RIF1: variants seen among roughly 807,000 people sequenced by gnomAD.
RIF1 encodes the protein replication timing regulatory factor 1.
Under a neutral mutation model 247.1 loss-of-function variants are expected in RIF1, and 45 were observed. The ratio of observed to expected loss-of-function variants is 0.18; its 90% CI spans 0.14 to 0.23. The LOEUF (loss-of-function observed/expected upper bound fraction) is 0.23. Among genes scored for constraint, RIF1 ranks in the 10% least tolerant of loss-of-function variants. The pLI, the probability that RIF1 is intolerant of heterozygous loss-of-function variation, is 1.00. For synonymous variants in RIF1, 1,087 were observed against 978.8 expected (o/e 1.11, Z -2.06); for missense variants, 2,967 against 2,862.5 (o/e 1.04, Z -0.83).
chr2:151,498,393 ATCAG>A (rs1241842579), intron 10 of RIF1: 3 of 1,422,770 alleles, frequency 2.1e-6, no homozygotes, highest in South Asian at 1.3e-5. Context: ...AAAGCAATCA[ATCAG>A]TCATTTTCCC....
In RIF1 at chr2:151,507,622, T is replaced by G. The variant is rs115263893; in HGVS notation, c.*1028-107T>G. ...CTTTGTCCAATCACACTTCCGCATC[T>G]CTATCCATAAAAATACACATATTTC... On this transcript the variant is annotated intron_variant and NMD_transcript_variant, in intron 13 of 13. Transcript: ENST00000454583. 1,143 of 215,078 alleles carry G rather than the reference T, an allele frequency of 5.3e-3. 17 individuals carry two copies. The highest frequency in any genetic ancestry group is 0.025 in the African/African-American group (1,090 of 43,624). 13.3% of individuals were successfully genotyped at this position (215,078 alleles called of 1,614,324 possible). A position where few individuals can be genotyped will look rare whatever the true frequency, so the allele number is the denominator to read the frequency against.
At chr2:151,458,236 T>G (rs1417107673) in intron 24 of RIF1, among the ~76,000 whole-genome samples, 2 of 144,470 alleles carry the variant, frequency 1.4e-5, no homozygotes, top group African/African-American at 5.1e-5. Context: ...ATTTTTTTTT[T>G]TTTTTTTTTT....
At chr2:151,524,653 G>GTTT in the RIF1 span, 8 of 515,194 alleles carry the variant, frequency 1.6e-5, no homozygotes, top group South Asian at 8.2e-5. Flanking sequence ...CAAGAGAGAG[G>GTTT]CTTTTTTTTT....
At chr2:151,484,558 T>G (rs2049387625), downstream of RIF1, among the ~76,000 whole-genome samples, 1 of 152,234 alleles carries the variant, frequency 6.6e-6, no homozygotes, top group Non-Finnish European at 1.5e-5. Context: ...ATTGGGCCAC[T>G]GCACTCCAGC....
chr2:151,419,819 T>TA (rs1687871190), intron 6 of RIF1, among the ~76,000 whole-genome samples: 1 of 152,186 alleles, frequency 6.6e-6, no homozygotes, highest in South Asian at 2.1e-4. Context: ...CTCATAATCT[T>TA]ATGGGACCAC....
At chr2:151,467,972 T>C (rs1326290338) in intron 30 of RIF1, 28 bp from the exon 31 acceptor site, 2 of 1,553,794 alleles carry the variant, frequency 1.3e-6, no homozygotes, top group African/African-American at 1.4e-5. Flanking sequence ...TTAATTTTGT[T>C]AAGTAAAATC....
chr2:151,520,836 C>T, the RIF1 span, among the ~76,000 whole-genome samples: 1 of 151,968 alleles, frequency 6.6e-6, no homozygotes, highest in South Asian at 2.1e-4. Context: ...TGCACTCCAT[C>T]GTGGGCAACA....
chr2:151,460,426 A>C (rs555372347), intron 26 of RIF1, among the ~76,000 whole-genome samples: 4 of 152,220 alleles, frequency 2.6e-5, no homozygotes, highest in Non-Finnish European at 4.4e-5. Context: ...CATAGGTAGC[A>C]CAAGAGAAAA....
intron 1 of RIF1, 104 bp downstream of exon 1, chr2:151,410,137 G>T (rs1685885940): frequency 3.0e-6 from 2 of 676,688 alleles, no homozygotes; most frequent in East Asian, 2.7e-5. Context: ...GGCTTCTCCC[G>T]CCCTCCGCCG....
chr2:151,436,822 T>G lies in RIF1; in HGVS notation c.1196-5T>G, dbSNP rs1691319207. 6.4e-7 allele frequency: 1 copy of G among 1,561,518 alleles called. No individual in the cohort carries two copies. The highest frequency in any genetic ancestry group is 2.1e-5 in the Admixed American group (1 of 47,882). On this transcript the variant is annotated splice_polypyrimidine_tract_variant and splice_region_variant and intron_variant, in intron 11 of 35. Transcript: ENST00000444746. Reference sequence around the variant, plus strand: ...GACTTAACTCTTTTTTTTTTTTTCTTAAAGGTGCTTCCTCCCCGTACGGAG... The same window carrying G: ...GACTTAACTCTTTTTTTTTTTTTCTGAAAGGTGCTTCCTCCCCGTACGGAG...
the RIF1 span, chr2:151,514,739 G>T: frequency 1.9e-6 from 2 of 1,032,648 alleles, no homozygotes; most frequent in Non-Finnish European, 2.8e-6. Flanking sequence ...GATGTAAATG[G>T]TAGGAGGAAC....
chr2:151,410,899 T>G, intron 2 of RIF1, among the ~76,000 whole-genome samples: 1 of 152,188 alleles, frequency 6.6e-6, no homozygotes, highest in Non-Finnish European at 1.5e-5. Context: ...TGATTTTTAT[T>G]AATTGCAAAA....
At chr2:151,423,205 C>G (rs1255383317) in intron 8 of RIF1, 163 bp downstream of exon 8, 1 of 559,740 alleles carries the variant, frequency 1.8e-6, no homozygotes, top group African/African-American at 2.0e-5. Context: ...GAAACCAGTA[C>G]TTGCATTGCT....
At chr2:151,488,660 A>G (rs554767843) in intron 9 of RIF1, among the ~76,000 whole-genome samples, 24 of 152,200 alleles carry the variant, frequency 1.6e-4, no homozygotes, top group Admixed American at 5.2e-4. Flanking sequence ...AATAAAAAAA[A>G]AGTATTCTGT....
At chr2:151,433,399 A>T (rs1690532485) in intron 10 of RIF1, among the ~76,000 whole-genome samples, 171 bp downstream of exon 10, 1 of 152,186 alleles carries the variant, frequency 6.6e-6, no homozygotes. Flanking sequence ...CACAAGGGAT[A>T]TTGTTCAGTT....
chr2:151,503,332 G>C (rs868820101), intron 12 of RIF1: 1 of 1,547,192 alleles, frequency 6.5e-7, no homozygotes, highest in Middle Eastern at 1.9e-4. Context: ...TTTCTTATAT[G>C]ATATATTTGT....
rs1224957523 is a variant in RIF1 at position 151,465,260 on chromosome 2, G to A, written c.5740G>A (p.Ala1914Thr). The change falls in exon 30 of 36, where the codon GCA becomes ACA. Residue 1914 changes from alanine to threonine, a missense_variant. By Grantham distance (58) the Ala-to-Thr change is moderately conservative. This residue lies in a region of RIF1 where 2,028 missense variants were observed against 1,825.6 expected (regional missense o/e 1.11). Coordinates refer to ENST00000444746, the MANE Select transcript of RIF1 (RefSeq NM_018151.5). ...AGTAACAGAATCCAATCTAGAGAAA[G>A]CAAAAACTATGGAATTGAATGTAGG... ...CKVTESNLEK[A>T]KTMELNVGNE... 2 of 1,610,870 alleles carry A rather than the reference G, an allele frequency of 1.2e-6. No individual in the cohort carries two copies. The highest frequency in any genetic ancestry group is 1.7e-5 in the Admixed American group (1 of 59,208).
At chr2:151,514,360 A>G in the RIF1 span, 6 of 1,613,684 alleles carry the variant, frequency 3.7e-6, no homozygotes, top group East Asian at 1.3e-4. Context: ...TTAGCATGTC[A>G]GGTGTATCTT....
intron 13 of RIF1, 57 bp downstream of exon 13, chr2:151,437,408 A>C: frequency 7.3e-7 from 1 of 1,373,280 alleles, no homozygotes; most frequent in Non-Finnish European, 1.0e-6. Flanking sequence ...AAGAAAAAAT[A>C]GGCCAGTCAC....
Sources: gnomAD v4.1 joint callset for allele counts (sites outside exome capture counted in the v4.1 genomes callset) on GRCh38, gnomAD v4.1.1 for gene constraint, gnomAD v4.1.1 regional missense constraint, MANE v1.5 for transcripts, NCBI Gene and HGNC (gene_info 2026-07-23, HGNC 2026-07-21) for gene names.